Variants in CYYR1 observed in about 807,000 individuals in gnomAD.
The protein encoded by CYYR1 is cysteine and tyrosine-rich protein 1.
In CYYR1, 14 loss-of-function variants were observed where a neutral mutation model predicts 15.2. The observed-to-expected ratio is 0.92, with a 90% CI of 0.61 to 1.44. The LOEUF is 1.44. CYYR1 is among the 40% of genes most tolerant of loss of function. CYYR1 has a pLI of 0.00. For synonymous variants in CYYR1, 80 were observed against 77.4 expected (o/e 1.03, Z -0.18); for missense variants, 228 against 209.5 (o/e 1.09, Z -0.54).
At chr21:26,527,554 ATG>A (rs1482541677) in intron 2 of CYYR1, among the ~76,000 whole-genome samples, 1 of 152,204 alleles carries the variant, frequency 6.6e-6, no homozygotes, top group East Asian at 1.9e-4. Flanking sequence ...TATTGAAAAT[ATG>A]TGTTTTTATC....
intron 2 of CYYR1, among the ~76,000 whole-genome samples, chr21:26,498,633 G>A (rs967993018): frequency 2.4e-4 from 36 of 152,200 alleles, no homozygotes; most frequent in Admixed American, 1.9e-3. Flanking sequence ...GAGTAGAGCT[G>A]TTGTATTAGT....
intron 2 of CYYR1, among the ~76,000 whole-genome samples, chr21:26,495,998 G>T (rs1283344047): frequency 1.3e-5 from 2 of 152,174 alleles, no homozygotes; most frequent in East Asian, 1.9e-4. Flanking sequence ...ATTTGGTAAA[G>T]AATTTGAGGG....
In CYYR1 at chr21:26,468,295, A is replaced by G; in HGVS notation, c.*206T>C. 1 of 588,926 alleles carries G rather than the reference A, an allele frequency of 1.7e-6. No individual in the cohort carries two copies. The highest frequency in any genetic ancestry group is 1.9e-5 in the South Asian group (1 of 52,196). 36.5% of individuals were successfully genotyped at this position (588,926 alleles called of 1,614,324 possible). A position where few individuals can be genotyped will look rare whatever the true frequency, so the allele number is the denominator to read the frequency against. On this transcript the variant is annotated 3_prime_UTR_variant, in exon 4 of 4. Coordinates refer to ENST00000652641, the MANE Select transcript of CYYR1 (RefSeq NM_001320768.2). ...AGCAGATCTCTTAAAATGTGGTTCCATAGAACCAAACATTAATACTCCAGA... is the reference window on the plus strand; with the variant it reads ...AGCAGATCTCTTAAAATGTGGTTCCGTAGAACCAAACATTAATACTCCAGA...
chr21:26,541,058 C>T (rs888608223), intron 2 of CYYR1, among the ~76,000 whole-genome samples: 2 of 151,970 alleles, frequency 1.3e-5, no homozygotes, highest in East Asian at 1.9e-4. Flanking sequence ...GAGTCAGTGA[C>T]GTGAAGGTAT....
intron 2 of CYYR1, chr21:26,551,625 A>G: frequency 6.4e-6 from 1 of 157,010 alleles, no homozygotes; most frequent in South Asian, 1.8e-4. Flanking sequence ...CAAGGAAATT[A>G]GAACTAAAAG....
intron 2 of CYYR1, among the ~76,000 whole-genome samples, chr21:26,487,432 C>T (rs1014172947): frequency 3.3e-5 from 5 of 152,004 alleles, no homozygotes; most frequent in Non-Finnish European, 7.4e-5. Flanking sequence ...CGCTGAAAGT[C>T]GACTACATAC....
intron 2 of CYYR1, among the ~76,000 whole-genome samples, chr21:26,549,767 A>G (rs1979246447): frequency 6.6e-6 from 1 of 152,204 alleles, no homozygotes; most frequent in Non-Finnish European, 1.5e-5. Context: ...CAGTAAAGTC[A>G]ATCTAAGCTT....
intron 2 of CYYR1, among the ~76,000 whole-genome samples, chr21:26,530,614 C>T (rs1274904786): frequency 6.6e-6 from 1 of 151,944 alleles, no homozygotes; most frequent in Non-Finnish European, 1.5e-5. Context: ...CCTCCCCTAT[C>T]CCCCAACCCC....
chr21:26,471,199 G>T (rs34840962), intron 3 of CYYR1: 13,790 of 152,102 alleles, frequency 0.091, 713 homozygotes, highest in African/African-American at 0.12. Flanking sequence ...AATGAAACAC[G>T]GCAGCCTCCA....
intron 2 of CYYR1, among the ~76,000 whole-genome samples, chr21:26,533,360 G>C (rs1217061797): frequency 6.6e-6 from 1 of 151,998 alleles, no homozygotes; most frequent in Non-Finnish European, 1.5e-5. Flanking sequence ...AACCAGGAAA[G>C]CTGGTGACTT....
intron 2 of CYYR1, among the ~76,000 whole-genome samples, chr21:26,549,474 T>C (rs750068672): frequency 6.6e-6 from 1 of 152,234 alleles, no homozygotes; most frequent in Non-Finnish European, 1.5e-5. Context: ...ATAAACCTAA[T>C]TTAAAATGAA....
At chr21:26,572,209 C>A (rs1232834693) in intron 1 of CYYR1, among the ~76,000 whole-genome samples, 1 of 152,160 alleles carries the variant, frequency 6.6e-6, no homozygotes, top group Non-Finnish European at 1.5e-5. Flanking sequence ...CCTGAATAAC[C>A]AATGAAAGGC....
At chr21:26,520,111 G>GATATATATATATATATATAT (rs1491365888) in intron 2 of CYYR1, among the ~76,000 whole-genome samples, 835 of 82,754 alleles carry the variant, frequency 0.01, 53 homozygotes, top group African/African-American at 0.019. Context: ...AAAAACCCAG[G>GATATATATATATATATATAT]AGATATATAT....
chr21:26,548,337 T>A (rs1452849349), intron 2 of CYYR1, among the ~76,000 whole-genome samples: 2 of 152,036 alleles, frequency 1.3e-5, no homozygotes, highest in Non-Finnish European at 2.9e-5. Context: ...TTTGGTAAGG[T>A]TTATTTGTCT....
intron 2 of CYYR1, among the ~76,000 whole-genome samples, chr21:26,549,532 TTTTCTA>T (rs1979227915): frequency 6.6e-6 from 1 of 152,182 alleles, no homozygotes. Context: ...ACCTTCTTAA[TTTTCTA>T]TTTCTGTGTC....
chr21:26,502,549 T>C (rs1039673933), intron 2 of CYYR1, among the ~76,000 whole-genome samples: 2 of 152,190 alleles, frequency 1.3e-5, no homozygotes, highest in Non-Finnish European at 2.9e-5. Context: ...TTTCAGGCTA[T>C]GAACTCTCCA....
intron 2 of CYYR1, among the ~76,000 whole-genome samples, chr21:26,517,630 A>C (rs1199816283): frequency 6.6e-6 from 1 of 152,102 alleles, no homozygotes; most frequent in African/African-American, 2.4e-5. Flanking sequence ...GTCTTGGCTC[A>C]CTGCAACCTC....
intron 2 of CYYR1, among the ~76,000 whole-genome samples, chr21:26,495,120 G>A (rs1413930336): frequency 6.6e-6 from 1 of 152,198 alleles, no homozygotes. Flanking sequence ...TAGGCAACCT[G>A]CAGTTATTCA....
At chr21:26,548,150 G>A (rs1460948862) in intron 2 of CYYR1, among the ~76,000 whole-genome samples, 1 of 152,092 alleles carries the variant, frequency 6.6e-6, no homozygotes, top group African/African-American at 2.4e-5. Flanking sequence ...AAACACAAAT[G>A]AATTTTATAT....
Sources: allele counts gnomAD v4.1 joint callset (sites outside exome capture counted in the v4.1 genomes callset), GRCh38; gene constraint gnomAD v4.1.1; transcripts MANE v1.5; gene names NCBI Gene and HGNC (gene_info 2026-07-23, HGNC 2026-07-21).